Variants in ROBO2 observed in about 807,000 individuals in gnomAD.
The protein encoded by ROBO2 is roundabout guidance receptor 2.
ROBO2 carries 53 observed loss-of-function variants against 160.8 expected under a neutral mutation model. That is an observed-to-expected ratio of 0.33 (90% CI 0.26 to 0.41). ROBO2 has a LOEUF of 0.41. Among genes scored for constraint, ROBO2 ranks in the 10% least tolerant of loss-of-function variants. ROBO2 has a pLI of 1.00. For missense variants in ROBO2, 1,577 were observed against 1,722.4 expected (o/e 0.92, Z 1.49); for synonymous variants, 664 against 611.7 (o/e 1.09, Z -1.26).
At chr3:77,089,605 C>T (rs1013029935) in intron 1 of ROBO2, among the ~76,000 whole-genome samples, 1 of 152,152 alleles carries the variant, frequency 6.6e-6, no homozygotes, top group African/African-American at 2.4e-5. Context: ...TAAGATGGCA[C>T]TGCTGTGCTT....
intron 2 of ROBO2, among the ~76,000 whole-genome samples, chr3:76,129,955 T>G (rs2071161630): frequency 6.6e-6 from 1 of 151,982 alleles, no homozygotes; most frequent in South Asian, 2.1e-4. Context: ...AGTATAAAAA[T>G]AGCATAAACT....
intron 2 of ROBO2, among the ~76,000 whole-genome samples, chr3:76,321,917 A>G (rs2072560492): frequency 6.6e-6 from 1 of 151,814 alleles, no homozygotes; most frequent in African/African-American, 2.4e-5. Context: ...TGCAAGATTT[A>G]CTTTTTGATA....
At position 77,577,634 on chromosome 3, in the gene ROBO2, G is replaced by C. The variant is rs1193758880; in HGVS notation, c.2328+20G>C. On this transcript the variant is annotated intron_variant, in intron 15 of 25. Coordinates refer to ENST00000461745, the Ensembl canonical transcript of ROBO2. Reference sequence around the variant, plus strand: ...TACAAGGTAGGACCCGGGTGAAGAAGGACAGCTCTCATGTAAAGGTTCCCA... The same window carrying C: ...TACAAGGTAGGACCCGGGTGAAGAACGACAGCTCTCATGTAAAGGTTCCCA... The C allele has an allele frequency of 1.2e-6, 2 of 1,612,784 alleles. No individual in the cohort carries two copies. Among genetic ancestry groups the C allele is most frequent in the Non-Finnish European group, 1.7e-6 (2 of 1,179,208 alleles).
intron 2 of ROBO2, among the ~76,000 whole-genome samples, chr3:76,404,376 G>C (rs1251770247): frequency 6.6e-6 from 1 of 151,536 alleles, no homozygotes; most frequent in Non-Finnish European, 1.5e-5. Flanking sequence ...GTTCAGTTTG[G>C]ATAATTGAGA....
chr3:76,734,112 G>A (rs1016129932), intron 2 of ROBO2, among the ~76,000 whole-genome samples: 9 of 151,968 alleles, frequency 5.9e-5, no homozygotes, highest in African/African-American at 1.7e-4. Context: ...TCAGATTTGG[G>A]GTTTGTACTT....
At chr3:76,148,428 CAG>C (rs768120132) in intron 2 of ROBO2, among the ~76,000 whole-genome samples, 19 of 152,124 alleles carry the variant, frequency 1.2e-4, no homozygotes, top group Admixed American at 5.2e-4. Context: ...TCTGGCATGC[CAG>C]GATGCTATAA....
intron 2 of ROBO2, among the ~76,000 whole-genome samples, chr3:77,002,291 A>G (rs1465493712): frequency 6.6e-6 from 1 of 151,950 alleles, no homozygotes; most frequent in Non-Finnish European, 1.5e-5. Flanking sequence ...CTTATACACC[A>G]CATAAAATGT....
intron 2 of ROBO2, among the ~76,000 whole-genome samples, chr3:77,431,998 G>A (rs2078822182): frequency 6.6e-6 from 1 of 152,144 alleles, no homozygotes; most frequent in Non-Finnish European, 1.5e-5. Context: ...ACTTAGGTTG[G>A]ATATTGATGT....
intron 2 of ROBO2, among the ~76,000 whole-genome samples, chr3:76,222,879 C>T (rs886368002): frequency 5.9e-5 from 9 of 152,012 alleles, no homozygotes; most frequent in South Asian, 2.1e-4. Context: ...CTCAGCCTTC[C>T]GAGTAGCTGG....
intron 2 of ROBO2, among the ~76,000 whole-genome samples, chr3:77,285,836 T>C (rs1388799518): frequency 6.6e-6 from 1 of 152,058 alleles, no homozygotes; most frequent in Non-Finnish European, 1.5e-5. Flanking sequence ...GAGAGATAGG[T>C]TTGAGTAGCA....
rs537368406 is a variant in ROBO2 at position 77,542,389 on chromosome 3, A to C, written c.935-3949A>C. On this transcript the variant is annotated intron_variant, in intron 6 of 25. Transcript: ENST00000461745. ...AAATGTTTCCATTTTTTCATTTTTT[A>C]AAATTAAAATATGATTAGATGATTT... Among the ~76,000 whole-genome samples, 57 of 152,278 alleles carry C rather than the reference A, an allele frequency of 3.7e-4. No homozygotes were observed. In the South Asian group the frequency reaches 8.1e-3, roughly 22 times the overall value.
At chr3:75,941,530 A>G (rs1211574460) in intron 2 of ROBO2, among the ~76,000 whole-genome samples, 2 of 152,206 alleles carry the variant, frequency 1.3e-5, no homozygotes, top group African/African-American at 4.8e-5. Context: ...ATGAATTTAC[A>G]TGCTTAAATT....
intron 2 of ROBO2, among the ~76,000 whole-genome samples, chr3:76,021,005 C>T (rs1301973177): frequency 6.6e-6 from 1 of 151,806 alleles, no homozygotes; most frequent in Non-Finnish European, 1.5e-5. Flanking sequence ...TGCACTTTAT[C>T]ATTCTCTCTC....
intron 2 of ROBO2, among the ~76,000 whole-genome samples, chr3:76,302,781 A>T (rs1709429038): frequency 6.6e-6 from 1 of 152,074 alleles, no homozygotes; most frequent in Non-Finnish European, 1.5e-5. Context: ...TGATATTCAC[A>T]CAATGATGGG....
intron 2 of ROBO2, among the ~76,000 whole-genome samples, chr3:77,005,102 CT>C (rs1411295242): frequency 1.3e-5 from 2 of 152,160 alleles, no homozygotes; most frequent in African/African-American, 4.8e-5. Flanking sequence ...GCTTGGCAGG[CT>C]TTTCCCTTTA....
intron 2 of ROBO2, among the ~76,000 whole-genome samples, chr3:75,942,772 C>A (rs1213023317): frequency 6.6e-6 from 1 of 152,020 alleles, no homozygotes; most frequent in African/African-American, 2.4e-5. Context: ...TTTAAGAATA[C>A]CAGTGGATTT....
intron 2 of ROBO2, among the ~76,000 whole-genome samples, chr3:76,122,379 T>A (rs1433737342): frequency 6.6e-6 from 1 of 152,180 alleles, no homozygotes; most frequent in Non-Finnish European, 1.5e-5. Context: ...TATTTTTATT[T>A]TTCTTGATAT....
intron 2 of ROBO2, among the ~76,000 whole-genome samples, chr3:77,203,546 G>A (rs1224861397): frequency 2.0e-5 from 3 of 152,218 alleles, no homozygotes; most frequent in Admixed American, 2.0e-4. Context: ...CAGTTTTACA[G>A]TGTTTGAATA....
At chr3:77,373,062 AATAAAATAATTAAAATTATT>A (rs1440706039) in intron 2 of ROBO2, among the ~76,000 whole-genome samples, 53 of 147,566 alleles carry the variant, frequency 3.6e-4, no homozygotes, top group African/African-American at 1.3e-3. Flanking sequence ...TAAATTTTAT[AATAAAATAATTAAAATTATT>A]ATAAAATAAT....
Sources: gnomAD v4.1 joint callset for allele counts (sites outside exome capture counted in the v4.1 genomes callset) on GRCh38, gnomAD v4.1.1 for gene constraint, MANE v1.5 for transcripts, NCBI Gene and HGNC (gene_info 2026-07-23, HGNC 2026-07-21) for gene names.